Variants in PARD3 observed in about 807,000 individuals in gnomAD.
PARD3 encodes the protein partitioning defective 3 homolog.
A neutral mutation model predicts 155.4 loss-of-function variants in PARD3; 75 were observed. The ratio of observed to expected loss-of-function variants is 0.48; its 90% CI spans 0.40 to 0.58. The LOEUF (loss-of-function observed/expected upper bound fraction) is 0.58. Among genes scored for constraint, PARD3 ranks in the 20% least tolerant of loss-of-function variants. The pLI is 0.00. For synonymous variants in PARD3, 576 were observed against 610.5 expected (o/e 0.94, Z 0.83); for missense variants, 1,642 against 1,721.7 (o/e 0.95, Z 0.82).
rs1384398372 is a variant in PARD3 at position 34,650,936 on chromosome 10, A to G, written c.222+45382T>C. On this transcript the variant is annotated intron_variant, in intron 2 of 24. Transcript: ENST00000374788. The stretch of plus-strand genomic sequence containing the variant: ...TGAGGCAGGAAAATCGCTTGAACCC[A>G]GGAGGCAGAGGTTGTGGTGAGCCGA... 8.2e-5 allele frequency among the ~76,000 whole-genome samples: 12 copies of G among 145,916 alleles called. No individual in the cohort carries two copies. The Admixed American group carries it at 8.5e-4, about 10-fold the overall frequency.
At chr10:34,234,778 T>G (rs570664075) in intron 22 of PARD3, among the ~76,000 whole-genome samples, 51 of 152,326 alleles carry the variant, frequency 3.3e-4, no homozygotes, top group African/African-American at 1.1e-3. Context: ...CAATATATAT[T>G]TGCTCAATGA....
chr10:34,158,754 C>T (rs973395205), intron 22 of PARD3, among the ~76,000 whole-genome samples: 12 of 152,208 alleles, frequency 7.9e-5, no homozygotes, highest in African/African-American at 2.4e-4. Flanking sequence ...GGCTATTAAG[C>T]ACTTGATGTG....
chr10:34,393,546 G>C (rs748581240), intron 7 of PARD3, among the ~76,000 whole-genome samples: 44 of 151,728 alleles, frequency 2.9e-4, no homozygotes, highest in Admixed American at 2.0e-3. Flanking sequence ...CTCCAGCCCG[G>C]GCAACAGAGT....
At chr10:34,628,082 C>G (rs183730213) in intron 2 of PARD3, among the ~76,000 whole-genome samples, 7 of 152,304 alleles carry the variant, frequency 4.6e-5, no homozygotes, top group Middle Eastern at 3.4e-3. Context: ...GGAACCAATT[C>G]ACAATAAATG....
At chr10:34,259,028 C>A (rs564781994) in intron 22 of PARD3, among the ~76,000 whole-genome samples, 3 of 151,976 alleles carry the variant, frequency 2.0e-5, no homozygotes, top group Non-Finnish European at 4.4e-5. Context: ...ATAATTGCAC[C>A]ACTGACTCCA....
intron 2 of PARD3, among the ~76,000 whole-genome samples, chr10:34,674,632 G>A (rs1294156262): frequency 2.1e-4 from 32 of 151,808 alleles, no homozygotes; most frequent in African/African-American, 6.3e-4. Context: ...GATTACAGAC[G>A]CCTGCCACCA....
chr10:34,354,528 A>G (rs186784275), intron 14 of PARD3, among the ~76,000 whole-genome samples: 21 of 152,334 alleles, frequency 1.4e-4, no homozygotes, highest in Non-Finnish European at 2.6e-4. Context: ...CATTCCAGCA[A>G]AAGAAAATCA....
At chr10:34,622,827 C>CTTTTTTTTTT (rs567045063) in intron 2 of PARD3, among the ~76,000 whole-genome samples, 1 of 113,456 alleles carries the variant, frequency 8.8e-6, no homozygotes, top group Non-Finnish European at 1.9e-5. Flanking sequence ...TTCTTTTTTT[C>CTTTTTTTTTT]TTTTTTTTTT....
intron 22 of PARD3, among the ~76,000 whole-genome samples, chr10:34,180,650 A>G (rs974358697): frequency 1.3e-5 from 2 of 152,206 alleles, no homozygotes; most frequent in African/African-American, 2.4e-5. Flanking sequence ...TTCACATACC[A>G]TTAATTCCTA....
At chr10:34,646,411 G>A (rs1343877879) in intron 2 of PARD3, among the ~76,000 whole-genome samples, 2 of 152,168 alleles carry the variant, frequency 1.3e-5, no homozygotes, top group Admixed American at 1.3e-4. Flanking sequence ...TCCCCAGGGT[G>A]TTTTTCTGCA....
At chr10:34,648,889 G>A (rs576173670) in intron 2 of PARD3, among the ~76,000 whole-genome samples, 4 of 152,102 alleles carry the variant, frequency 2.6e-5, no homozygotes, top group African/African-American at 9.6e-5. Context: ...TGTTCTCTGG[G>A]GAATGGCCAG....
chr10:34,808,905 C>A (rs1843730746), intron 1 of PARD3, among the ~76,000 whole-genome samples: 2 of 152,222 alleles, frequency 1.3e-5, no homozygotes, highest in Admixed American at 1.3e-4. Context: ...CTCAGCCAAG[C>A]ATCTCAACTG....
At chr10:34,785,567 G>A (rs1011592681) in intron 1 of PARD3, among the ~76,000 whole-genome samples, 4 of 152,008 alleles carry the variant, frequency 2.6e-5, no homozygotes, top group Admixed American at 6.6e-5. Flanking sequence ...GTAACACGGC[G>A]AGACCATGTC....
chr10:34,645,425 C>T (rs1225931917), intron 2 of PARD3, among the ~76,000 whole-genome samples: 1 of 152,136 alleles, frequency 6.6e-6, no homozygotes, highest in East Asian at 1.9e-4. Flanking sequence ...AGGCTGGTCT[C>T]GAACTCCTGA....
In PARD3 at chr10:34,798,366, G is replaced by A. The variant is rs1451995186; in HGVS notation, c.120+16510C>T. 2.6e-5 allele frequency among the ~76,000 whole-genome samples: 4 copies of A among 151,116 alleles called. No homozygotes were observed. In the East Asian group the frequency reaches 5.9e-4, roughly 22 times the overall value. ...GAAGGAGAAGGAGAAGGAGAAAGGA[G>A]AAGAAGAAATGAGAAGAAAGGAGGA... is the stretch of plus-strand genomic sequence containing the variant. On this transcript the variant is annotated intron_variant, in intron 1 of 24. Transcript: ENST00000374788.
At chr10:34,729,063 C>T (rs1166787915) in intron 1 of PARD3, among the ~76,000 whole-genome samples, 3 of 152,196 alleles carry the variant, frequency 2.0e-5, no homozygotes, top group Non-Finnish European at 4.4e-5. Context: ...GGTTAGACCA[C>T]ACAGCCGAGG....
intron 1 of PARD3, among the ~76,000 whole-genome samples, chr10:34,696,706 T>C (rs1813073201): frequency 6.7e-6 from 1 of 150,090 alleles, no homozygotes; most frequent in African/African-American, 2.5e-5. Context: ...GTAATACTGA[T>C]TTCTCTAAAG....
At chr10:34,814,282 C>A (rs939636893) in intron 1 of PARD3, among the ~76,000 whole-genome samples, 1 of 152,142 alleles carries the variant, frequency 6.6e-6, no homozygotes, top group African/African-American at 2.4e-5. Flanking sequence ...CCCTGCAGCC[C>A]CCGGACGCGA....
chr10:34,368,185 G>C (rs1840171386), intron 12 of PARD3, among the ~76,000 whole-genome samples: 2 of 152,180 alleles, frequency 1.3e-5, no homozygotes, highest in African/African-American at 4.8e-5. Flanking sequence ...GGAGGCGGAG[G>C]CTCCAGTGAG....
Sources: gnomAD v4.1 joint callset for allele counts (sites outside exome capture counted in the v4.1 genomes callset) on GRCh38, gnomAD v4.1.1 for gene constraint, MANE v1.5 for transcripts, NCBI Gene and HGNC (gene_info 2026-07-23, HGNC 2026-07-21) for gene names.